Variants in SIRT7 observed in about 807,000 individuals in gnomAD.
SIRT7 encodes NAD-dependent protein deacetylase sirtuin-7.
SIRT7 carries 32 observed loss-of-function variants against 42.8 expected under a neutral mutation model. The ratio of observed to expected loss-of-function variants is 0.75; its 90% CI spans 0.56 to 1.00. SIRT7 has a LOEUF of 1.00. Ranked by LOEUF, SIRT7 falls within the 50% of genes least tolerant of loss-of-function variation. The pLI is 0.00. For synonymous variants in SIRT7, 297 were observed against 245.2 expected, an observed-to-expected ratio of 1.21 and a Z score of -1.97; for missense variants, 553 against 572.2, an observed-to-expected ratio of 0.97 and a Z score of 0.34.
rs1458002641 is a variant in SIRT7 at position 81,915,458 on chromosome 17, A to G, written c.462T>C (p.Arg154=). Residue 154 remains arginine, a synonymous_variant, in exon 5 of 10, where the codon CGT becomes CGC. Coordinates refer to ENST00000328666, the MANE Select transcript of SIRT7 (RefSeq NM_016538.3). The stretch of plus-strand genomic sequence containing the variant: ...CTCTTACCAGCTTCTGCTCATGCAG[A>G]CGGGTGATGCTCATGTGGGTGAGGG... ...EPTLTHMSIT[R]LHEQKLVQHV... The G allele has an allele frequency of 2.5e-6, 4 of 1,613,330 alleles. No individual in the cohort carries two copies. Among genetic ancestry groups the G allele is most frequent in the Non-Finnish European group, 3.4e-6 (4 of 1,179,860 alleles).
At chr17:81,917,534 A>C in intron 3 of SIRT7, 81 bp downstream of exon 3, 7 of 1,235,822 alleles carry the variant, frequency 5.7e-6, no homozygotes, top group Non-Finnish European at 6.5e-6. Context: ...AAAAAACCTT[A>C]GAGCTGCTTT....
chr17:81,913,685 C>T lies in SIRT7; in HGVS notation c.1004+89G>A, dbSNP rs1021690973. ...AGGCACCACTGCAAACACCTCAGAG[C>T]TTCCTCCACACTCAGCTCACGAGAG... On this transcript the variant is annotated intron_variant, in intron 9 of 9. Coordinates refer to ENST00000328666, the MANE Select transcript of SIRT7 (RefSeq NM_016538.3). This position sits in a 1 kb window ranked among gnomAD's most constrained non-coding sequence, Gnocchi z 5.0. 4 of 1,166,586 alleles carry T rather than the reference C, an allele frequency of 3.4e-6. No homozygotes were observed. The highest frequency in any genetic ancestry group is 3.0e-5 in the African/African-American group (2 of 65,678). 72.3% of individuals were successfully genotyped at this position (1,166,586 alleles called of 1,614,324 possible).
In SIRT7 at chr17:81,914,327, T is replaced by C; in HGVS notation, c.783A>G (p.Ala261=). 6.2e-7 allele frequency: 1 copy of C among 1,613,072 alleles called. No homozygotes were observed. The highest frequency in any genetic ancestry group is 8.5e-7 in the Non-Finnish European group (1 of 1,180,002). ...WEAATEAASR[A]DTILCLGSSL... is the part of the protein sequence containing the mutation. ...TGGACCCTAGACACAGGATGGTGTC[T>C]GCTCTGCTGGCAGCCTCGGTCGCCG... The change falls in exon 7 of 10, where the codon GCA becomes GCG. Residue 261 remains alanine, a synonymous_variant. Coordinates refer to ENST00000328666, the MANE Select transcript of SIRT7 (RefSeq NM_016538.3).
chr17:81,915,885 G>A (rs1370443683), intron 3 of SIRT7: 21 of 597,946 alleles, frequency 3.5e-5, no homozygotes, highest in East Asian at 9.0e-5. Flanking sequence ...CTGGACTTCC[G>A]TTTCCCGCCT....
chr17:81,913,800 C>T lies in SIRT7; in HGVS notation c.978G>A (p.Leu326=), dbSNP rs1311740179. ...TGCTATAGGCGGGGATCTCCAAGCCCAGCTCGGCCATGAGGAGCCGCATGA... is the reference window on the plus strand; with the variant it reads ...TGCTATAGGCGGGGATCTCCAAGCCTAGCTCGGCCATGAGGAGCCGCATGA... ...DDVMRLLMAE[L]GLEIPAYSRW... Residue 326 remains leucine (L), a synonymous_variant, in exon 9 of 10, where the codon CTG becomes CTA. Coordinates refer to ENST00000328666, the MANE Select transcript of SIRT7 (RefSeq NM_016538.3). This position sits in a 1 kb window ranked among gnomAD's most constrained non-coding sequence, Gnocchi z 5.0. 6.5e-7 allele frequency: 1 copy of T among 1,548,992 alleles called. No homozygotes were observed. The highest frequency in any genetic ancestry group is 8.7e-7 in the Non-Finnish European group (1 of 1,147,060).
chr17:81,914,240 G>A (rs2040748189), intron 7 of SIRT7, 54 bp downstream of exon 7: 1 of 1,611,702 alleles, frequency 6.2e-7, no homozygotes, highest in Non-Finnish European at 8.5e-7. Context: ...CGCAGAGCTG[G>A]ACACCCTCGG....
Position 81,912,447 on chromosome 17 carries a change from G to A in SIRT7, c.1172C>T (p.Thr391Ile), listed in dbSNP as rs1355285235. Residue 391 changes from threonine (T) to isoleucine (I), a missense_variant, in exon 10 of 10, where the codon ACA becomes ATA. Physicochemically the swap from Thr to Ile is moderately conservative, Grantham distance 89 (BLOSUM62 -1). Transcript: ENST00000328666. ...CACTTTCTTCCTTTTTGTGCGTTTTGTGCAGCCCCTGCCAAACCAGCCCCC... is the reference window on the plus strand; with the variant it reads ...CACTTTCTTCCTTTTTGTGCGTTTTATGCAGCCCCTGCCAAACCAGCCCCC... ...ILGGWFGRGCTKRTKRKKVT is the reference protein window; with the variant it reads ...ILGGWFGRGCIKRTKRKKVT 1.2e-6 allele frequency: 2 copies of A among 1,614,010 alleles called. No individual in the cohort carries two copies. Among genetic ancestry groups the A allele is most frequent in the Admixed American group, 3.3e-5 (2 of 60,018 alleles).
rs1175526350 is a variant in SIRT7, at chr17:81,913,131, A to G, written c.1005-517T>C. 1.1e-5 allele frequency: 4 copies of G among 375,422 alleles called. No individual in the cohort carries two copies. Among genetic ancestry groups the G allele is most frequent in the Non-Finnish European group, 2.1e-5 (4 of 192,834 alleles). 23.3% of individuals were successfully genotyped at this position (375,422 alleles called of 1,614,324 possible). On this transcript the variant is annotated intron_variant, in intron 9 of 9. Coordinates refer to ENST00000328666, the MANE Select transcript of SIRT7 (RefSeq NM_016538.3). The surrounding 1 kb of genome is among the most constrained non-coding windows in gnomAD (Gnocchi z 5.0). Reference sequence around the variant, plus strand: ...GATACAGATACGCACTGATAAGGAAAATGAGCTAAGTTAATGTAAAAAAAA... The same window carrying G: ...GATACAGATACGCACTGATAAGGAAGATGAGCTAAGTTAATGTAAAAAAAA...
chr17:81,913,997 C>G lies in SIRT7; in HGVS notation c.897+90G>C. 2 of 1,572,150 alleles carry G rather than the reference C, an allele frequency of 1.3e-6. No homozygotes were observed. Among genetic ancestry groups the G allele is most frequent in the Non-Finnish European group, 1.7e-6 (2 of 1,148,766 alleles). On this transcript the variant is annotated intron_variant, in intron 8 of 9. Coordinates refer to ENST00000328666, the MANE Select transcript of SIRT7 (RefSeq NM_016538.3). This position sits in a 1 kb window ranked among gnomAD's most constrained non-coding sequence, Gnocchi z 5.0. ...CCCTGAGCACCCACGGGGGCCCTAT[C>G]AGACCGCCCTGGTGCATGGGTGTGG... is the stretch of plus-strand genomic sequence containing the variant.
chr17:81,915,746 C>G, intron 3 of SIRT7, 65 bp from the exon 4 acceptor site: 3 of 1,563,656 alleles, frequency 1.9e-6, no homozygotes, highest in Non-Finnish European at 2.6e-6. Context: ...GCAGAATTCC[C>G]AGAAACGGAA....
chr17:81,917,394 C>T (rs2040824738), intron 3 of SIRT7: 1 of 433,964 alleles, frequency 2.3e-6, no homozygotes, highest in Non-Finnish European at 4.0e-6. Flanking sequence ...GGGGTGCCTG[C>T]GAGCAGTCGG....
At position 81,912,449 on chromosome 17, in the gene SIRT7, GCAGCCCCTGCCAAAC is replaced by G; in HGVS notation, c.1155_1169del (p.Trp385_Gly389del). The G allele has an allele frequency of 6.2e-7, 1 of 1,614,028 alleles. No homozygotes were observed. Among genetic ancestry groups the G allele is most frequent in the African/African-American group, 1.3e-5 (1 of 75,044 alleles). On this transcript the variant is annotated inframe_deletion, in exon 10 of 10. Transcript: ENST00000328666. ...CTTTCTTCCTTTTTGTGCGTTTTGT[GCAGCCCCTGCCAAAC>G]CAGCCCCCTAGGATGGGGGCCGAGC...
In SIRT7 at chr17:81,915,518, A is replaced by G; in HGVS notation, c.408-6T>C. On this transcript the variant is annotated splice_region_variant and splice_polypyrimidine_tract_variant and intron_variant, in intron 4 of 9. Transcript: ENST00000328666. ...CCTCGCTCAGGTCGGCAGCACTGCC[A>G]GGCAGAAAGGAAGGCAAGGTGAGGA... The G allele has an allele frequency of 1.2e-6, 2 of 1,613,592 alleles. No individual in the cohort carries two copies. The highest frequency in any genetic ancestry group is 1.7e-6 in the Non-Finnish European group (2 of 1,179,888).
intron 5 of SIRT7, 151 bp downstream of exon 5, chr17:81,915,289 G>A: frequency 1.3e-6 from 1 of 775,860 alleles, no homozygotes; most frequent in African/African-American, 1.7e-5. Flanking sequence ...GTCAAGCACA[G>A]GAGGATCAAA....
At chr17:81,916,123 G>A (rs2040792668) in intron 3 of SIRT7, 3 of 195,322 alleles carry the variant, frequency 1.5e-5, no homozygotes, top group Admixed American at 5.2e-5. Context: ...TCCCAGTGCT[G>A]ACTATTCCCG....
intron 4 of SIRT7, 48 bp downstream of exon 4, chr17:81,915,563 T>G: frequency 1.2e-6 from 2 of 1,613,136 alleles, no homozygotes; most frequent in Admixed American, 3.3e-5. Flanking sequence ...CTCAGGCCCG[T>G]GCTGCCGCTG....
rs1014318169 is a variant in SIRT7, at chr17:81,914,795, G to A, written c.481-93C>T. 54 of 1,045,132 alleles carry A rather than the reference G, an allele frequency of 5.2e-5. No individual in the cohort carries two copies. The Admixed American group carries it at 8.3e-4, about 16-fold the overall frequency. The allele number at this position is 1,045,132 out of a possible 1,614,324, so 64.7% of individuals were successfully genotyped here. ...CCACAGCGAGGCTGTTCTGAGCCCC[G>A]CCGATGGCTCCCAAAACCAGGGGCA... On this transcript the variant is annotated intron_variant, in intron 5 of 9. Transcript: ENST00000328666.
intron 3 of SIRT7, chr17:81,916,939 A>G (rs2040816221): frequency 2.0e-5 from 3 of 152,082 alleles, no homozygotes; most frequent in African/African-American, 7.2e-5. Context: ...TCAAGGCCCA[A>G]TCAAGGCCAC....
Position 81,913,864 on chromosome 17 carries a change from T to A in SIRT7, c.914A>T (p.Asp305Val). The A allele has an allele frequency of 6.4e-7, 1 of 1,551,396 alleles. No individual in the cohort carries two copies. The highest frequency in any genetic ancestry group is 8.7e-7 in the Non-Finnish European group (1 of 1,147,886). ...CCCATGTAGCTTCAGGGCAGCCCAGTCATCCTTCGGGGTCCACTGAGGACA... is the reference window on the plus strand; with the variant it reads ...CCCATGTAGCTTCAGGGCAGCCCAGACATCCTTCGGGGTCCACTGAGGACA... ...IVNLQWTPKD[D>V]WAALKLHGKC... is the part of the protein sequence containing the mutation. The change falls in exon 9 of 10, where the codon GAC becomes GTC. Residue 305 changes from aspartate to valine, a missense_variant. Coordinates refer to ENST00000328666, the MANE Select transcript of SIRT7 (RefSeq NM_016538.3). The surrounding 1 kb of genome is among the most constrained non-coding windows in gnomAD (Gnocchi z 5.0).
Sources: allele counts gnomAD v4.1 joint callset, GRCh38; gene constraint gnomAD v4.1.1; non-coding constraint Gnocchi (gnomAD v3.1); transcripts MANE v1.5; gene names NCBI Gene and HGNC (gene_info 2026-07-23, HGNC 2026-07-21).